MCPH1: variants seen among roughly 807,000 people sequenced by gnomAD.
MCPH1 encodes the protein microcephalin 1.
MCPH1 carries 104 observed loss-of-function variants against 84.5 expected under a neutral mutation model. That is an observed-to-expected ratio of 1.23 (90% CI 1.05 to 1.45). The LOEUF is 1.45. MCPH1 is among the 40% of genes most tolerant of loss of function. The pLI, the probability that MCPH1 is intolerant of heterozygous loss-of-function variation, is 0.00. For missense variants in MCPH1, 1,498 were observed against 1,005.7 expected (o/e 1.49, Z -6.62); for synonymous variants, 514 against 366.8 (o/e 1.40, Z -4.58).
intron 12 of MCPH1, chr8:6,514,739 T>C (rs746986153): frequency 5.6e-6 from 9 of 1,614,074 alleles, no homozygotes; most frequent in Non-Finnish European, 6.8e-6. Flanking sequence ...CGCTGAATAA[T>C]TGTCCACCCG....
intron 13 of MCPH1, among the ~76,000 whole-genome samples, chr8:6,623,486 A>G (rs1188121132): frequency 5.3e-5 from 8 of 151,608 alleles, no homozygotes; most frequent in Non-Finnish European, 1.2e-4. Flanking sequence ...GGCTTTTCTC[A>G]TCATCTGCTC....
intron 9 of MCPH1, among the ~76,000 whole-genome samples, chr8:6,476,095 C>G (rs1198991897): frequency 6.6e-6 from 1 of 152,088 alleles, no homozygotes; most frequent in African/African-American, 2.4e-5. Context: ...CAGTACAATA[C>G]AGACATACAA....
intron 12 of MCPH1, among the ~76,000 whole-genome samples, chr8:6,507,243 C>G (rs1813931489): frequency 6.6e-6 from 1 of 152,086 alleles, no homozygotes; most frequent in African/African-American, 2.4e-5. Context: ...CTTGGGTCAT[C>G]CATTTGTTTA....
At chr8:6,464,650 A>T (rs1460356176) in intron 9 of MCPH1, among the ~76,000 whole-genome samples, 1 of 152,168 alleles carries the variant, frequency 6.6e-6, no homozygotes. Context: ...GACATTTCCC[A>T]CTGGGAGACC....
chr8:6,501,373 C>T (rs1339788408), intron 12 of MCPH1: 1 of 152,116 alleles, frequency 6.6e-6, no homozygotes, highest in Non-Finnish European at 1.5e-5. Context: ...GGACTCTGAA[C>T]TTCCTTGCAA....
Position 6,477,654 on chromosome 8 carries a change from G to A in MCPH1, c.1973+23G>A. ...TGAGTAAGTACTTGTTTTGATTTCT[G>A]TTCAATGTAAAATGTTAACCTTTTC... On this transcript the variant is annotated intron_variant, in intron 10 of 13. Transcript: ENST00000344683. 5 of 1,604,576 alleles carry A rather than the reference G, an allele frequency of 3.1e-6. No homozygotes were observed. In the East Asian group the frequency reaches 6.7e-5, roughly 22 times the overall value.
At chr8:6,610,390 T>C (rs1830159631) in intron 12 of MCPH1, among the ~76,000 whole-genome samples, 1 of 152,258 alleles carries the variant, frequency 6.6e-6, no homozygotes, top group African/African-American at 2.4e-5. Flanking sequence ...CTGATTAGAA[T>C]ATCCTTTTAT....
intron 11 of MCPH1, among the ~76,000 whole-genome samples, chr8:6,495,305 T>A (rs141069538): frequency 1.3e-5 from 2 of 152,352 alleles, no homozygotes; most frequent in Non-Finnish European, 2.9e-5. Flanking sequence ...ATGCATAATG[T>A]CTTCATGTGG....
Position 6,445,207 on chromosome 8 carries a change from T to G in MCPH1, c.1485T>G (p.Thr495=), listed in dbSNP as rs565739739. 1 of 1,614,242 alleles carries G rather than the reference T, an allele frequency of 6.2e-7. No homozygotes were observed. Among genetic ancestry groups the G allele is most frequent in the South Asian group, 1.1e-5 (1 of 91,090 alleles). Residue 495 remains threonine (T), a synonymous_variant, in exon 8 of 14, where the codon ACT becomes ACG. Coordinates refer to ENST00000344683, the MANE Select transcript of MCPH1 (RefSeq NM_024596.5). ...RKTGNGEGRA[T]SSCVTSAPEE... is the part of the protein sequence containing the mutation. ...CTGGAAATGGTGAAGGCCGTGCAAC[T>G]TCGAGTTGCGTGACTTCTGCCCCTG...
At chr8:6,485,924 C>A (rs1253691927) in intron 11 of MCPH1, among the ~76,000 whole-genome samples, 2 of 152,202 alleles carry the variant, frequency 1.3e-5, no homozygotes, top group African/African-American at 4.8e-5. Context: ...TTGCTCCTGA[C>A]TTGCACCCTC....
At chr8:6,503,961 C>T (rs927777419) in intron 12 of MCPH1, among the ~76,000 whole-genome samples, 1 of 152,142 alleles carries the variant, frequency 6.6e-6, no homozygotes, top group African/African-American at 2.4e-5. Flanking sequence ...TTTTTGCTTT[C>T]TGCACTTTCA....
chr8:6,422,647 C>G (rs1032893714), intron 3 of MCPH1, among the ~76,000 whole-genome samples: 11 of 152,182 alleles, frequency 7.2e-5, no homozygotes, highest in South Asian at 2.1e-4. Flanking sequence ...GGGGCTCATG[C>G]AGACCCCATA....
Position 6,414,883 on chromosome 8 carries a change from A to G in MCPH1, c.233A>G (p.Lys78Arg), listed in dbSNP as rs767640718. 3 of 1,613,288 alleles carry G rather than the reference A, an allele frequency of 1.9e-6. No individual in the cohort carries two copies. Among genetic ancestry groups the G allele is most frequent in the Non-Finnish European group, 2.5e-6 (3 of 1,179,598 alleles). The stretch of plus-strand genomic sequence containing the variant: ...CTCGTTTCGGTGCTCTGGGTGGAAA[A>G]GTAAGCAGTTTCTCTCTTACTTTTT... The part of the protein sequence containing the change: ...VKLVSVLWVE[K>R]CRTAGAHIDE... Residue 78 changes from lysine to arginine, a missense_variant and splice_region_variant, in exon 3 of 14, where the codon AAA becomes AGA. By Grantham distance (26) the Lys-to-Arg change is conservative. Coordinates refer to ENST00000344683, the MANE Select transcript of MCPH1 (RefSeq NM_024596.5).
intron 13 of MCPH1, among the ~76,000 whole-genome samples, chr8:6,628,282 A>G (rs1287431695): frequency 6.6e-6 from 1 of 152,026 alleles, no homozygotes; most frequent in Non-Finnish European, 1.5e-5. Context: ...CATCCTGGCT[A>G]ACACAGTGAA....
At chr8:6,479,017 C>T (rs186491850) in intron 10 of MCPH1, among the ~76,000 whole-genome samples, 2 of 152,196 alleles carry the variant, frequency 1.3e-5, no homozygotes, top group Non-Finnish European at 1.5e-5. Flanking sequence ...ATAATCCCAG[C>T]ACTTTGAGGG....
At chr8:6,632,800 CTCTG>C (rs199604036) in intron 13 of MCPH1, among the ~76,000 whole-genome samples, 2,496 of 151,668 alleles carry the variant, frequency 0.016, 72 homozygotes, top group African/African-American at 0.057. Flanking sequence ...CAGAGTGAGA[CTCTG>C]TCTAAGAAGA....
rs377522481 is a variant in MCPH1, at chr8:6,623,688, C to CAAA, written c.2452+2025_2452+2027dup. Among the ~76,000 whole-genome samples, 831 of 92,240 alleles carry CAAA rather than the reference C, an allele frequency of 9.0e-3. 104 individuals are homozygous for CAAA. Among genetic ancestry groups the CAAA allele is most frequent in the Middle Eastern group, 0.013 (2 of 160 alleles). The allele number at this position is 92,240 out of a possible 152,430, so 60.5% of individuals were successfully genotyped here. On this transcript the variant is annotated intron_variant, in intron 13 of 13. Transcript: ENST00000344683. ...CATCTTTTGCCTGGAAACCAACTTC[C>CAAA]AAAAAAAAAAAAAAAAAAAAAAAAA... is the stretch of plus-strand genomic sequence containing the variant.
intron 8 of MCPH1, among the ~76,000 whole-genome samples, chr8:6,449,055 C>T (rs1256324730): frequency 5.3e-5 from 8 of 152,128 alleles, no homozygotes; most frequent in Non-Finnish European, 1.2e-4. Flanking sequence ...CCATCACCAA[C>T]ATTGATTGCA....
intron 13 of MCPH1, among the ~76,000 whole-genome samples, chr8:6,636,799 C>T (rs1446279937): frequency 6.6e-6 from 1 of 152,180 alleles, no homozygotes; most frequent in Non-Finnish European, 1.5e-5. Context: ...ATGCCACCCA[C>T]CACCCCCCAA....
Sources: allele counts gnomAD v4.1 joint callset (sites outside exome capture counted in the v4.1 genomes callset), GRCh38; gene constraint gnomAD v4.1.1; transcripts MANE v1.5; gene names NCBI Gene and HGNC (gene_info 2026-07-23, HGNC 2026-07-21).